Variants in CDK19 observed in about 807,000 individuals in gnomAD.
CDK19 encodes the protein cyclin-dependent kinase 19.
In CDK19, 20 loss-of-function variants were observed where a neutral mutation model predicts 68.3. The observed-to-expected ratio is 0.29, with a 90% CI of 0.21 to 0.43. The LOEUF (loss-of-function observed/expected upper bound fraction) is 0.43. Ranked by LOEUF, CDK19 falls within the 20% of genes least tolerant of loss-of-function variation. The pLI, the probability that CDK19 is intolerant of heterozygous loss-of-function variation, is 1.00. For missense variants in CDK19, 339 were observed against 623.5 expected (o/e 0.54, Z 4.86); for synonymous variants, 221 against 222.8 (o/e 0.99, Z 0.07).
At chr6:110,799,237 ACT>A (rs1282929955) in intron 1 of CDK19, among the ~76,000 whole-genome samples, 2 of 152,036 alleles carry the variant, frequency 1.3e-5, no homozygotes, top group East Asian at 3.8e-4. Context: ...ACAAAGAAAA[ACT>A]ACTAGCTGAA....
chr6:110,793,547 C>T (rs946444202), intron 1 of CDK19, among the ~76,000 whole-genome samples: 2 of 152,206 alleles, frequency 1.3e-5, no homozygotes, highest in Non-Finnish European at 2.9e-5. Flanking sequence ...TTGTACTTAT[C>T]ATTAAGAATG....
chr6:110,758,357 C>T (rs1778971438), intron 1 of CDK19, among the ~76,000 whole-genome samples: 1 of 152,136 alleles, frequency 6.6e-6, no homozygotes. Context: ...TCGAATTTAA[C>T]AGTTAATGAC....
intron 5 of CDK19, among the ~76,000 whole-genome samples, chr6:110,632,949 G>A (rs1231552743): frequency 2.6e-5 from 4 of 152,058 alleles, no homozygotes; most frequent in East Asian, 1.9e-4. Flanking sequence ...GGCCAGGCGC[G>A]GTGGCTCACG....
intron 1 of CDK19, among the ~76,000 whole-genome samples, chr6:110,786,798 T>G (rs77481015): frequency 0.047 from 7,220 of 152,156 alleles, 180 homozygotes; most frequent in Middle Eastern, 0.078. Context: ...GAACAAAGCA[T>G]TGATGGAACC....
chr6:110,785,980 C>CA (rs200467580), intron 1 of CDK19, among the ~76,000 whole-genome samples: 2,331 of 126,668 alleles, frequency 0.018, 51 homozygotes, highest in African/African-American at 0.058. Flanking sequence ...AACTCCATCT[C>CA]AAAAAAAAAA....
chr6:110,773,194 A>C (rs968841201), intron 1 of CDK19, among the ~76,000 whole-genome samples: 2 of 151,900 alleles, frequency 1.3e-5, no homozygotes, highest in African/African-American at 2.4e-5. Context: ...AAAATACAAA[A>C]ATTAGCTGGG....
chr6:110,690,516 G>A (rs1445730684), intron 2 of CDK19, among the ~76,000 whole-genome samples: 2 of 152,184 alleles, frequency 1.3e-5, no homozygotes, highest in Non-Finnish European at 1.5e-5. Context: ...CCAACTGCTT[G>A]AGCACAATGG....
intron 4 of CDK19, chr6:110,646,527 T>G (rs1452800652): frequency 1.0e-5 from 13 of 1,275,936 alleles, no homozygotes; most frequent in Non-Finnish European, 1.3e-5. Context: ...GACGTGCGCC[T>G]CCACCTGCAA....
chr6:110,752,048 TTGAA>T (rs550857186), intron 1 of CDK19, among the ~76,000 whole-genome samples: 1 of 151,962 alleles, frequency 6.6e-6, no homozygotes, highest in East Asian at 1.9e-4. Context: ...GAATAAAAAT[TTGAA>T]ATAACAAAAA....
intron 2 of CDK19, among the ~76,000 whole-genome samples, chr6:110,718,273 T>C (rs985607078): frequency 1.3e-5 from 2 of 152,142 alleles, no homozygotes; most frequent in African/African-American, 2.4e-5. Context: ...AATTTGGATA[T>C]AGGCCCTAGA....
chr6:110,622,223 C>A (rs1562127800), intron 10 of CDK19, 57 bp from the exon 11 acceptor site: 5 of 1,134,754 alleles, frequency 4.4e-6, no homozygotes, highest in African/African-American at 1.6e-5. Context: ...AATATCATTA[C>A]CTTGTTAATT....
Position 110,611,832 on chromosome 6 carries a change from C to T in CDK19, c.*2703G>A, listed in dbSNP as rs1778041408. 6.6e-6 allele frequency: 1 copy of T among 151,720 alleles called. No individual in the cohort carries two copies. The highest frequency in any genetic ancestry group is 2.4e-5 in the African/African-American group (1 of 41,266). The allele number at this position is 151,720 out of a possible 1,614,324, so 9.4% of individuals were successfully genotyped here. On this transcript the variant is annotated 3_prime_UTR_variant, in exon 13 of 13. Coordinates refer to ENST00000368911, the MANE Select transcript of CDK19 (RefSeq NM_015076.5). ...CCCCTTTAAAGGAAAGAAAATGATC[C>T]AAAATTATTACTAAGGGTAAAGGGA...
At chr6:110,615,896 C>T (rs1248178953) in intron 12 of CDK19, among the ~76,000 whole-genome samples, 7 of 152,150 alleles carry the variant, frequency 4.6e-5, no homozygotes, top group East Asian at 3.9e-4. Flanking sequence ...TTTTGCATTT[C>T]GGATGACTCC....
intron 5 of CDK19, among the ~76,000 whole-genome samples, chr6:110,636,449 C>T (rs1779782089): frequency 6.6e-6 from 1 of 152,170 alleles, no homozygotes; most frequent in Non-Finnish European, 1.5e-5. Context: ...GGCAAAGTCA[C>T]AGCAAAAGTG....
chr6:110,757,275 G>C (rs751338213), intron 1 of CDK19, among the ~76,000 whole-genome samples: 1 of 152,104 alleles, frequency 6.6e-6, no homozygotes. Flanking sequence ...TCCTACAAAA[G>C]GCTGAAGAAA....
chr6:110,698,545 C>G (rs1023391877), intron 2 of CDK19, among the ~76,000 whole-genome samples: 1 of 152,140 alleles, frequency 6.6e-6, no homozygotes, highest in Non-Finnish European at 1.5e-5. Flanking sequence ...GAATACTTAA[C>G]ACTGCTGGTT....
intron 4 of CDK19, among the ~76,000 whole-genome samples, chr6:110,641,503 A>C (rs1175629264): frequency 6.6e-6 from 1 of 151,210 alleles, no homozygotes; most frequent in Non-Finnish European, 1.5e-5. Flanking sequence ...AGGCTGAGGC[A>C]GGAATCGCTT....
At chr6:110,744,136 A>G (rs1777898498) in intron 2 of CDK19, among the ~76,000 whole-genome samples, 1 of 150,306 alleles carries the variant, frequency 6.7e-6, no homozygotes, top group South Asian at 2.1e-4. Context: ...CCTCCCGAGT[A>G]ACTGGGACTA....
At chr6:110,654,714 GCAGATGACCTGAGGT>G (rs1387654729) in intron 4 of CDK19, among the ~76,000 whole-genome samples, 1 of 152,236 alleles carries the variant, frequency 6.6e-6, no homozygotes, top group Non-Finnish European at 1.5e-5. Context: ...GCCAAGGCGG[GCAGATGACCTGAGGT>G]CAGGAGTTCG....
Sources: allele counts gnomAD v4.1 joint callset (sites outside exome capture counted in the v4.1 genomes callset), GRCh38; gene constraint gnomAD v4.1.1; transcripts MANE v1.5; gene names NCBI Gene and HGNC (gene_info 2026-07-23, HGNC 2026-07-21).